The following POM121C variants were observed in gnomAD, a reference collection of about 807,000 sequenced individuals.
The protein encoded by POM121C is POM121 transmembrane nucleoporin C, also known as nuclear envelope pore membrane protein POM 121C.
POM121C carries 20 observed loss-of-function variants against 66.4 expected under a neutral mutation model. That is an observed-to-expected ratio of 0.30 (90% CI 0.21 to 0.44). The LOEUF (loss-of-function observed/expected upper bound fraction) is 0.44, where lower values mean the gene tolerates loss of function less well. Among genes scored for constraint, POM121C ranks in the 20% least tolerant of loss-of-function variants. The pLI is 1.00. For synonymous variants in POM121C, 286 were observed against 528.0 expected, an observed-to-expected ratio of 0.54 and a Z score of 6.28; for missense variants, 580 against 1,225.7, an observed-to-expected ratio of 0.47 and a Z score of 7.87.
At chr7:75,419,230 T>C in intron 14 of POM121C, 90 bp downstream of exon 14, 1 of 1,491,266 alleles carries the variant, frequency 6.7e-7, no homozygotes, top group African/African-American at 1.4e-5. Flanking sequence ...AACCTGATCT[T>C]CACGGGGCCT....
intron 1 of POM121C, among the ~76,000 whole-genome samples, chr7:75,477,853 G>T (rs1213202498): frequency 1.3e-5 from 2 of 151,920 alleles, no homozygotes; most frequent in African/African-American, 4.8e-5. Flanking sequence ...ACAAGTACTG[G>T]ATATACCCTC....
At chr7:75,462,529 TG>T (rs1465708291) in intron 3 of POM121C, among the ~76,000 whole-genome samples, 1 of 152,066 alleles carries the variant, frequency 6.6e-6, no homozygotes, top group African/African-American at 2.4e-5. Flanking sequence ...CATGGTTCAG[TG>T]GGAACCTTGA....
At chr7:75,455,363 C>T (rs1363375241) in intron 3 of POM121C, among the ~76,000 whole-genome samples, 1 of 152,096 alleles carries the variant, frequency 6.6e-6, no homozygotes, top group Non-Finnish European at 1.5e-5. Context: ...GGCGCGATCT[C>T]GGCTCACTGC....
rs781917139 is a variant in POM121C, at chr7:75,421,934, G to A, written c.2318C>T (p.Ser773Leu). 2.4e-5 allele frequency: 39 copies of A among 1,613,362 alleles called. No individual in the cohort carries two copies. The highest frequency in any genetic ancestry group is 1.7e-4 in the Admixed American group (10 of 59,994). ...IQPTFGGATHSAFGLKATASA... is the reference protein window; with the variant it reads ...IQPTFGGATHLAFGLKATASA... ...AGCCGTGGCTTTCAATCCAAACGCCGAGTGCGTGGCACCGCCAAAGGTAGG... is the reference window on the plus strand; with the variant it reads ...AGCCGTGGCTTTCAATCCAAACGCCAAGTGCGTGGCACCGCCAAAGGTAGG... The change falls in exon 13 of 15, where the codon TCG becomes TTG. Residue 773 changes from serine to leucine, a missense_variant. Transcript: ENST00000615331.
chr7:75,442,732 C>G, intron 3 of POM121C: 1 of 1,353,998 alleles, frequency 7.4e-7, no homozygotes, highest in Non-Finnish European at 9.4e-7. Context: ...CGGCTCCGCG[C>G]CGCGGAGGAG....
At position 75,437,428 on chromosome 7, in the gene POM121C, A is replaced by T. The variant is rs146326873; in HGVS notation, c.480+87T>A. The T allele has an allele frequency of 7.6e-3, 11,344 of 1,497,150 alleles. 737 individuals carry two copies. The African/African-American group carries it at 0.14, about 18-fold the overall frequency. 92.7% of individuals were successfully genotyped at this position (1,497,150 alleles called of 1,614,324 possible). On this transcript the variant is annotated intron_variant, in intron 7 of 14. Transcript: ENST00000615331. ...TTTGGCCTTCCAAAGTGCTGGGATT[A>T]CATGGCTAAGCTACCATGTCTGGCC...
In POM121C at chr7:75,429,612, C is replaced by T. The variant is rs1321327875; in HGVS notation, c.481-3159G>A. On this transcript the variant is annotated intron_variant, in intron 7 of 14. Transcript: ENST00000615331. The stretch of plus-strand genomic sequence containing the variant: ...TGCCACTGCACTCCAGCCTGGGCGA[C>T]AGAGCGAGACTCCATCTCACAAAAC... Among the ~76,000 whole-genome samples the T allele has an allele frequency of 4.6e-5, 7 of 152,268 alleles. No homozygotes were observed. In the East Asian group the frequency reaches 1.4e-3, roughly 29 times the overall value.
chr7:75,446,382 ACCATGTTG>A (rs1370697835), intron 3 of POM121C, among the ~76,000 whole-genome samples: 4 of 151,028 alleles, frequency 2.6e-5, no homozygotes, highest in African/African-American at 9.8e-5. Flanking sequence ...ACTGGGTTTC[ACCATGTTG>A]GACAGGCTGG....
chr7:75,440,598 G>GTGTTATT (rs1467173123), intron 5 of POM121C: 1 of 303,250 alleles, frequency 3.3e-6, no homozygotes, highest in African/African-American at 2.2e-5. Flanking sequence ...ACTAGAACTG[G>GTGTTATT]TGGTTACCCA....
At chr7:75,485,511 G>C (rs116357291) in intron 1 of POM121C, among the ~76,000 whole-genome samples, 12 of 152,186 alleles carry the variant, frequency 7.9e-5, no homozygotes, top group East Asian at 1.9e-4. Context: ...CAGGTCTAAG[G>C]GGGGGGATCA....
chr7:75,484,662 CAAAAAAAAA>C (rs10690558), intron 1 of POM121C, among the ~76,000 whole-genome samples: 5 of 48,672 alleles, frequency 1.0e-4, no homozygotes, highest in Admixed American at 5.8e-4. Flanking sequence ...GACACTGTCT[CAAAAAAAAA>C]AAAAAAAAAA....
Position 75,419,592 on chromosome 7 carries a change from C to G in POM121C, c.2744-150G>C, listed in dbSNP as rs1274157296. ...GGCACTCCTCCATCAGCAGCTGAGC[C>G]AGACAACCGAGTCTTCATGCCTGGT... is the stretch of plus-strand genomic sequence containing the variant. On this transcript the variant is annotated intron_variant, in intron 13 of 14. Coordinates refer to ENST00000615331, the MANE Select transcript of POM121C (RefSeq NM_001099415.3). The G allele has an allele frequency of 2.0e-5, 18 of 910,642 alleles. No homozygotes were observed. In the African/African-American group the frequency reaches 3.1e-4, roughly 15 times the overall value. 56.4% of individuals were successfully genotyped at this position (910,642 alleles called of 1,614,324 possible). A position where few individuals can be genotyped will look rare whatever the true frequency, so the allele number is the denominator to read the frequency against.
intron 7 of POM121C, among the ~76,000 whole-genome samples, chr7:75,434,571 C>T (rs1380817874): frequency 2.9e-5 from 4 of 140,268 alleles, no homozygotes; most frequent in East Asian, 2.1e-4. Context: ...GCCACGGTGG[C>T]GCTCAGCTAG....
In POM121C at chr7:75,453,948, C is replaced by A. The variant is rs587746325; in HGVS notation, c.-151-12301G>T. On this transcript the variant is annotated intron_variant, in intron 3 of 14. Coordinates refer to ENST00000615331, the MANE Select transcript of POM121C (RefSeq NM_001099415.3). ...TCCCCATTTGGGCTGGTTTGGGCTT[C>A]ATCACAGTCCGGCAGCTTACTTCTA... 4.0e-3 allele frequency among the ~76,000 whole-genome samples: 606 copies of A among 152,344 alleles called. 3 individuals carry two copies. The highest frequency in any genetic ancestry group is 0.014 in the African/African-American group (575 of 41,568).
chr7:75,481,068 C>A (rs1266348190), intron 1 of POM121C, among the ~76,000 whole-genome samples: 2 of 147,054 alleles, frequency 1.4e-5, no homozygotes, highest in Non-Finnish European at 3.0e-5. Flanking sequence ...TATACACATA[C>A]GTATATAGGC....
At chr7:75,428,203 G>A (rs1479440630) in intron 7 of POM121C, among the ~76,000 whole-genome samples, 7 of 151,750 alleles carry the variant, frequency 4.6e-5, no homozygotes, top group African/African-American at 1.2e-4. Flanking sequence ...GCAGTGGCAC[G>A]ATCTCACCTC....
At chr7:75,472,079 G>T (rs1554478733) in intron 3 of POM121C, among the ~76,000 whole-genome samples, 1 of 151,652 alleles carries the variant, frequency 6.6e-6, no homozygotes, top group East Asian at 2.0e-4. Flanking sequence ...GTAGAGACGG[G>T]GTTTCACCGT....
Position 75,424,131 on chromosome 7 carries a change from G to C in POM121C, c.966C>G (p.Thr322=). The C allele has an allele frequency of 6.2e-7, 1 of 1,612,014 alleles. No homozygotes were observed. Residue 322 remains threonine, a synonymous_variant, in exon 12 of 15, where the codon ACC becomes ACG. Coordinates refer to ENST00000615331, the MANE Select transcript of POM121C (RefSeq NM_001099415.3). ...LPAAATASPP[T]SLLAPSTNPL... ...GGTTGGTGCTTGGGGCCAGGAGGGA[G>C]GTGGGTGGGGAGGCAGTTGCAGCAG... is the stretch of plus-strand genomic sequence containing the variant.
Position 75,418,267 on chromosome 7 carries a change from C to G in POM121C, c.*529G>C. ...AAAAGGAGGGAATCCTGCAAGGAAC[C>G]GGTGAGGGACACAGCAGCAAGAAAT... On this transcript the variant is annotated 3_prime_UTR_variant, in exon 15 of 15. Transcript: ENST00000615331. The G allele has an allele frequency of 1.3e-6, 1 of 762,098 alleles. No individual in the cohort carries two copies. Among genetic ancestry groups the G allele is most frequent in the Non-Finnish European group, 1.5e-6 (1 of 648,018 alleles). The allele number at this position is 762,098 out of a possible 1,614,324, so 47.2% of individuals were successfully genotyped here. A position where few individuals can be genotyped will look rare whatever the true frequency, so the allele number is the denominator to read the frequency against.
Sources: allele counts gnomAD v4.1 joint callset (sites outside exome capture counted in the v4.1 genomes callset), GRCh38; gene constraint gnomAD v4.1.1; transcripts MANE v1.5; gene names NCBI Gene and HGNC (gene_info 2026-07-23, HGNC 2026-07-21).